Variants in PLCH1 observed in about 807,000 individuals in gnomAD.
PLCH1 encodes phospholipase C eta 1.
PLCH1 carries 60 observed loss-of-function variants against 126.7 expected under a neutral mutation model. That is an observed-to-expected ratio of 0.47 (90% CI 0.38 to 0.59). The LOEUF (loss-of-function observed/expected upper bound fraction) is 0.59. Among genes scored for constraint, PLCH1 ranks in the 20% least tolerant of loss-of-function variants. PLCH1 has a pLI of 0.00. For synonymous variants in PLCH1, 719 were observed against 734.9 expected, an observed-to-expected ratio of 0.98 and a Z score of 0.35; for missense variants, 1,723 against 2,040.0, an observed-to-expected ratio of 0.84 and a Z score of 2.99.
chr3:155,490,941 G>A, intron 18 of PLCH1, 73 bp from the exon 19 acceptor site: 1 of 841,726 alleles, frequency 1.2e-6, no homozygotes, highest in Non-Finnish European at 2.0e-6. Context: ...TGAGAATATT[G>A]GCCAAAATGT....
At chr3:155,714,759 C>T (rs764368298) in intron 1 of PLCH1, among the ~76,000 whole-genome samples, 2 of 152,126 alleles carry the variant, frequency 1.3e-5, no homozygotes, top group Non-Finnish European at 2.9e-5. Flanking sequence ...TTGAAGGAGT[C>T]CTCTTCTGTT....
intron 4 of PLCH1, among the ~76,000 whole-genome samples, chr3:155,591,771 G>A (rs917607860): frequency 1.3e-5 from 2 of 152,018 alleles, no homozygotes; most frequent in Admixed American, 6.6e-5. Context: ...ACAGGGTCTT[G>A]GTAGCTCACC....
intron 11 of PLCH1, among the ~76,000 whole-genome samples, chr3:155,521,584 T>C (rs953458964): frequency 2.2e-4 from 33 of 152,314 alleles, no homozygotes; most frequent in African/African-American, 7.5e-4. Flanking sequence ...ATATAAACTA[T>C]CCAAAGTACA....
At chr3:155,609,188 T>G (rs1734747091) in intron 2 of PLCH1, among the ~76,000 whole-genome samples, 1 of 152,176 alleles carries the variant, frequency 6.6e-6, no homozygotes, top group South Asian at 2.1e-4. Flanking sequence ...TATCCACAGC[T>G]AGGAGACATG....
chr3:155,615,574 T>C (rs1425023766), intron 2 of PLCH1, among the ~76,000 whole-genome samples: 1 of 152,062 alleles, frequency 6.6e-6, no homozygotes, highest in Non-Finnish European at 1.5e-5. Flanking sequence ...GAAAATGTAA[T>C]ACTGTCCAGT....
chr3:155,667,060 G>A (rs897891514), intron 2 of PLCH1, among the ~76,000 whole-genome samples: 1 of 152,074 alleles, frequency 6.6e-6, no homozygotes, highest in African/African-American at 2.4e-5. Context: ...TATTTTATCT[G>A]ATCCTCACAA....
chr3:155,578,798 C>G (rs1730297763), intron 6 of PLCH1, among the ~76,000 whole-genome samples: 1 of 152,116 alleles, frequency 6.6e-6, no homozygotes, highest in African/African-American at 2.4e-5. Flanking sequence ...TGGAAAACAG[C>G]AGAAAAGGAA....
chr3:155,583,679 G>C (rs1251367852), intron 5 of PLCH1, 37 bp from the exon 6 acceptor site: 2 of 1,440,890 alleles, frequency 1.4e-6, no homozygotes, highest in South Asian at 2.7e-5. Context: ...TAATATGAAA[G>C]TTAGAAATAG....
intron 2 of PLCH1, among the ~76,000 whole-genome samples, chr3:155,624,531 T>C (rs1313924208): frequency 1.3e-5 from 2 of 152,182 alleles, no homozygotes; most frequent in South Asian, 4.1e-4. Context: ...CTCCTTAAGC[T>C]GATAAACAAC....
At chr3:155,562,291 T>G (rs1437090828) in intron 8 of PLCH1, among the ~76,000 whole-genome samples, 1 of 152,188 alleles carries the variant, frequency 6.6e-6, no homozygotes, top group East Asian at 1.9e-4. Context: ...TAAATCCCAT[T>G]GCAATGACAG....
chr3:155,671,399 T>C (rs1172290570), intron 2 of PLCH1, among the ~76,000 whole-genome samples: 2 of 152,190 alleles, frequency 1.3e-5, no homozygotes, highest in Non-Finnish European at 2.9e-5. Flanking sequence ...GTAACCCTAA[T>C]CAAAATAACT....
At chr3:155,577,494 T>C (rs769251812) in intron 6 of PLCH1, among the ~76,000 whole-genome samples, 5 of 152,196 alleles carry the variant, frequency 3.3e-5, no homozygotes, top group African/African-American at 4.8e-5. Flanking sequence ...AATTTTGTGG[T>C]GCTTAATAAA....
At chr3:155,626,654 A>G (rs1014232037) in intron 2 of PLCH1, among the ~76,000 whole-genome samples, 2 of 151,814 alleles carry the variant, frequency 1.3e-5, no homozygotes, top group Non-Finnish European at 2.9e-5. Context: ...CTGTAGTCCC[A>G]GCTACTCAGG....
intron 2 of PLCH1, among the ~76,000 whole-genome samples, chr3:155,634,444 C>G (rs958720515): frequency 2.6e-5 from 4 of 152,212 alleles, no homozygotes; most frequent in Non-Finnish European, 5.9e-5. Context: ...CCAGAGGCCT[C>G]ACTGTGGTGA....
chr3:155,727,330 CA>C (rs1298796019), intron 1 of PLCH1, among the ~76,000 whole-genome samples: 1 of 147,474 alleles, frequency 6.8e-6, no homozygotes, highest in Admixed American at 6.7e-5. Context: ...TAGATTTCAC[CA>C]AAAAAGGAAA....
chr3:155,720,787 G>A (rs542204989), intron 1 of PLCH1, among the ~76,000 whole-genome samples: 9 of 152,260 alleles, frequency 5.9e-5, no homozygotes, highest in Non-Finnish European at 1.0e-4. Flanking sequence ...TGGTCATGAA[G>A]TCTTTGCCTA....
At chr3:155,581,314 G>T (rs1730630922) in intron 6 of PLCH1, among the ~76,000 whole-genome samples, 1 of 152,170 alleles carries the variant, frequency 6.6e-6, no homozygotes, top group Admixed American at 6.5e-5. Flanking sequence ...CAACAGACTT[G>T]ACAACGTATG....
intron 7 of PLCH1, among the ~76,000 whole-genome samples, chr3:155,566,216 T>TAC (rs1728425398): frequency 1.3e-5 from 1 of 75,562 alleles, no homozygotes; most frequent in Non-Finnish European, 3.7e-5. Context: ...TACACATATA[T>TAC]ACGTATATAT....
intron 10 of PLCH1, among the ~76,000 whole-genome samples, chr3:155,537,201 C>CAAAAAAAAAAAAAAAAAAAAAAAA (rs1560128167): frequency 4.5e-5 from 6 of 132,110 alleles, no homozygotes; most frequent in African/African-American, 1.5e-4. Flanking sequence ...AAAAAAAAAA[C>CAAAAAAAAAAAAAAAAAAAAAAAA]CAAAAAAAAA....
Sources: gnomAD v4.1 joint callset for allele counts (sites outside exome capture counted in the v4.1 genomes callset) on GRCh38, gnomAD v4.1.1 for gene constraint, MANE v1.5 for transcripts, NCBI Gene and HGNC (gene_info 2026-07-23, HGNC 2026-07-21) for gene names.